FAT4: variants seen among roughly 807,000 people sequenced by gnomAD.
The protein encoded by FAT4 is protocadherin Fat 4.
A neutral mutation model predicts 303.9 loss-of-function variants in FAT4; 84 were observed. The observed-to-expected ratio is 0.28, with a 90% CI of 0.23 to 0.33. The LOEUF (loss-of-function observed/expected upper bound fraction) is 0.33. Among genes scored for constraint, FAT4 ranks in the 10% least tolerant of loss-of-function variants. The probability of loss-of-function intolerance (pLI) is 1.00; values close to 1 mark genes in which losing one functional copy is unlikely to be tolerated. For synonymous variants in FAT4, 2,307 were observed against 2,298.8 expected (o/e 1.00, Z -0.10); for missense variants, 6,005 against 6,146.8 (o/e 0.98, Z 0.77).
chr4:125,334,574 CA>C (rs1169866914), intron 2 of FAT4, among the ~76,000 whole-genome samples: 1 of 152,094 alleles, frequency 6.6e-6, no homozygotes, highest in Non-Finnish European at 1.5e-5. Flanking sequence ...ATGTTAATTT[CA>C]AATTTTTTAA....
chr4:125,462,606 G>A (rs888353044), intron 10 of FAT4, among the ~76,000 whole-genome samples: 1 of 151,910 alleles, frequency 6.6e-6, no homozygotes, highest in Non-Finnish European at 1.5e-5. Context: ...AAACAAGTGG[G>A]ACTTATACTC....
chr4:125,318,230 G>A lies in FAT4; in HGVS notation c.1819G>A (p.Ala607Thr). The change falls in exon 2 of 18, where the codon GCA becomes ACA. Residue 607 changes from alanine (A) to threonine (T), a missense_variant. Coordinates refer to ENST00000394329, the MANE Select transcript of FAT4 (RefSeq NM_001291303.3). ...PTGTELLMLR[A>T]TDGDLGDNGT... is the part of the protein sequence containing the mutation. The stretch of plus-strand genomic sequence containing the variant: ...AGGGACAGAACTGTTGATGCTCAGG[G>A]CAACTGACGGGGACCTGGGTGACAA... The A allele has an allele frequency of 1.2e-6, 2 of 1,614,212 alleles. No individual in the cohort carries two copies. The highest frequency in any genetic ancestry group is 1.1e-5 in the South Asian group (1 of 91,084).
intron 2 of FAT4, among the ~76,000 whole-genome samples, chr4:125,346,188 A>T (rs2710596): frequency 0.58 from 88,328 of 151,818 alleles, 25,827 homozygotes; most frequent in Admixed American, 0.66. Context: ...TTGTACACAA[A>T]CTTTTAAATG....
chr4:125,441,335 G>T (rs1490986199), intron 8 of FAT4, among the ~76,000 whole-genome samples: 1 of 152,118 alleles, frequency 6.6e-6, no homozygotes, highest in Non-Finnish European at 1.5e-5. Flanking sequence ...AGAAATAAAG[G>T]AATGAAAGAT....
intron 2 of FAT4, among the ~76,000 whole-genome samples, chr4:125,374,088 T>C (rs561255350): frequency 6.6e-6 from 1 of 152,296 alleles, no homozygotes; most frequent in South Asian, 2.1e-4. Flanking sequence ...GCTTGGGATT[T>C]TTTTATTCAA....
intron 8 of FAT4, among the ~76,000 whole-genome samples, chr4:125,444,151 T>A (rs887939742): frequency 2.6e-5 from 4 of 152,116 alleles, no homozygotes; most frequent in Admixed American, 1.3e-4. Context: ...ATACCATAGG[T>A]TTCTTTGTCT....
At chr4:125,377,896 CA>C (rs1427298469) in intron 2 of FAT4, among the ~76,000 whole-genome samples, 5 of 151,968 alleles carry the variant, frequency 3.3e-5, no homozygotes, top group African/African-American at 1.2e-4. Flanking sequence ...ACATTCTCTC[CA>C]ATATACACTT....
At chr4:125,341,767 G>A (rs1731805993) in intron 2 of FAT4, among the ~76,000 whole-genome samples, 1 of 152,094 alleles carries the variant, frequency 6.6e-6, no homozygotes, top group Non-Finnish European at 1.5e-5. Flanking sequence ...TAGCATAATT[G>A]AAACATGTGC....
chr4:125,469,434 T>C (rs976058147), intron 12 of FAT4, among the ~76,000 whole-genome samples: 5 of 152,198 alleles, frequency 3.3e-5, no homozygotes. Context: ...CATTTGAGGC[T>C]ATTTGATTGA....
chr4:125,408,749 G>C lies in FAT4; in HGVS notation c.5875G>C (p.Val1959Leu). ...CACATCTTTAATGGAGAATCTACCTGTGGGATCTACTGTTCTTGTGTTTAA... is the reference window on the plus strand; with the variant it reads ...CACATCTTTAATGGAGAATCTACCTCTGGGATCTACTGTTCTTGTGTTTAA... ...YSTSLMENLPVGSTVLVFNVT... is the reference protein window; with the variant it reads ...YSTSLMENLPLGSTVLVFNVT... Residue 1959 changes from valine (V) to leucine (L), a missense_variant, in exon 5 of 18, where the codon GTG (valine) becomes CTG (leucine). By Grantham distance (32) the Val-to-Leu change is conservative (BLOSUM62 1). Transcript: ENST00000394329. The C allele has an allele frequency of 6.2e-7, 1 of 1,602,986 alleles. No homozygotes were observed. Among genetic ancestry groups the C allele is most frequent in the Non-Finnish European group, 8.5e-7 (1 of 1,174,014 alleles).
chr4:125,369,160 T>C (rs1733007255), intron 2 of FAT4, among the ~76,000 whole-genome samples: 3 of 152,220 alleles, frequency 2.0e-5, no homozygotes, highest in African/African-American at 7.2e-5. Context: ...ATAGATATTC[T>C]GTGGTTGGAG....
chr4:125,367,815 A>G (rs138279070), intron 2 of FAT4, among the ~76,000 whole-genome samples: 1 of 152,310 alleles, frequency 6.6e-6, no homozygotes, highest in Non-Finnish European at 1.5e-5. Flanking sequence ...GCAAAATAGT[A>G]TATGCAAACA....
At chr4:125,403,212 C>G (rs76265677) in intron 3 of FAT4, among the ~76,000 whole-genome samples, 4,429 of 152,130 alleles carry the variant, frequency 0.029, 104 homozygotes, top group Middle Eastern at 0.068. Flanking sequence ...CCAAAACAAT[C>G]CTTTTTGGCA....
intron 5 of FAT4, among the ~76,000 whole-genome samples, chr4:125,413,813 A>G (rs981796944): frequency 6.6e-6 from 1 of 152,002 alleles, no homozygotes; most frequent in Non-Finnish European, 1.5e-5. Flanking sequence ...CCAAAAGTGA[A>G]CATCACTTCT....
At chr4:125,409,554 C>T (rs185395028) in intron 5 of FAT4, among the ~76,000 whole-genome samples, 63 of 152,296 alleles carry the variant, frequency 4.1e-4, no homozygotes, top group African/African-American at 1.4e-3. Flanking sequence ...CTGCACCCAG[C>T]CCAGCTAATA....
Position 125,316,392 on chromosome 4 carries a change from C to A in FAT4, c.-12-8C>A, listed in dbSNP as rs369473520. The A allele has an allele frequency of 9.1e-5, 144 of 1,574,182 alleles. 6 individuals are homozygous for A. In the South Asian group the frequency reaches 1.5e-3, roughly 17 times the overall value. On this transcript the variant is annotated splice_region_variant and splice_polypyrimidine_tract_variant and intron_variant, in intron 1 of 17. Transcript: ENST00000394329. This position sits in a 1 kb window ranked among gnomAD's most constrained non-coding sequence, Gnocchi z 5.7. ...CACCCCTTCCTTCTCTTTATCACAT[C>A]GTTTTAGGGAGCCAGGACCATGGAC...
At chr4:125,489,807 G>A (rs1727540386) in intron 17 of FAT4, 94 bp from the exon 18 acceptor site, 2 of 1,013,362 alleles carry the variant, frequency 2.0e-6, no homozygotes, top group Admixed American at 2.7e-5. Context: ...GGTGATTGTG[G>A]AGCTTCTCTT....
intron 2 of FAT4, among the ~76,000 whole-genome samples, chr4:125,385,159 C>A (rs1733694831): frequency 6.6e-6 from 1 of 151,322 alleles, no homozygotes; most frequent in African/African-American, 2.4e-5. Flanking sequence ...GTAGCTGGAA[C>A]TACAGGCTCC....
At chr4:125,381,012 A>T (rs1241166736) in intron 2 of FAT4, among the ~76,000 whole-genome samples, 1 of 152,210 alleles carries the variant, frequency 6.6e-6, no homozygotes, top group Non-Finnish European at 1.5e-5. Flanking sequence ...TACCTATTAC[A>T]GAAACATTCC....
Sources: gnomAD v4.1 joint callset for allele counts (sites outside exome capture counted in the v4.1 genomes callset) on GRCh38, gnomAD v4.1.1 for gene constraint, Gnocchi (gnomAD v3.1) non-coding constraint, MANE v1.5 for transcripts, NCBI Gene and HGNC (gene_info 2026-07-23, HGNC 2026-07-21) for gene names.